The following ARHGAP28 variants were observed in gnomAD, a reference collection of about 807,000 sequenced individuals.
ARHGAP28 encodes the protein rho GTPase-activating protein 28.
Under a neutral mutation model 90.7 loss-of-function variants are expected in ARHGAP28, and 56 were observed. The ratio of observed to expected loss-of-function variants is 0.62; its 90% confidence interval spans 0.50 to 0.77. The LOEUF (loss-of-function observed/expected upper bound fraction) is 0.77, where lower values mean the gene tolerates loss of function less well. Among genes scored for constraint, ARHGAP28 ranks in the 30% least tolerant of loss-of-function variants. The pLI is 0.00. For synonymous variants in ARHGAP28, 308 were observed against 323.3 expected, an observed-to-expected ratio of 0.95 and a Z score of 0.51; for missense variants, 869 against 900.9, an observed-to-expected ratio of 0.96 and a Z score of 0.45.
intron 4 of ARHGAP28, among the ~76,000 whole-genome samples, chr18:6,855,789 TC>T (rs2056948271): frequency 6.6e-6 from 1 of 152,142 alleles, no homozygotes; most frequent in South Asian, 2.1e-4. Flanking sequence ...ACCACCGCAT[TC>T]CCTGGTGCCC....
chr18:6,835,598 A>G (rs2143846286), intron 2 of ARHGAP28, among the ~76,000 whole-genome samples: 1 of 152,334 alleles, frequency 6.6e-6, no homozygotes, highest in African/African-American at 2.4e-5. Flanking sequence ...AAATTAGTCT[A>G]ATCTGCTCTT....
intron 1 of ARHGAP28, among the ~76,000 whole-genome samples, chr18:6,733,250 A>C (rs2055898033): frequency 6.6e-6 from 1 of 152,146 alleles, no homozygotes; most frequent in Non-Finnish European, 1.5e-5. Flanking sequence ...AGTATTCAGA[A>C]TGTATAAATT....
intron 6 of ARHGAP28, among the ~76,000 whole-genome samples, chr18:6,869,895 T>G (rs184921808): frequency 6.6e-6 from 1 of 152,310 alleles, no homozygotes; most frequent in African/African-American, 2.4e-5. Flanking sequence ...CTCAAATGAT[T>G]TATGGATTCA....
At chr18:6,857,671 G>A (rs527832098) in intron 4 of ARHGAP28, among the ~76,000 whole-genome samples, 15 of 152,182 alleles carry the variant, frequency 9.9e-5, no homozygotes, top group Non-Finnish European at 2.1e-4. Flanking sequence ...TTTACAGCAG[G>A]AGGATGATAG....
chr18:6,734,193 T>C (rs2055906839), intron 1 of ARHGAP28, among the ~76,000 whole-genome samples: 2 of 152,210 alleles, frequency 1.3e-5, no homozygotes, highest in Non-Finnish European at 2.9e-5. Flanking sequence ...AGGCTAAGCT[T>C]CTATTCAGAA....
At chr18:6,822,893 T>G (rs1421728625) in intron 1 of ARHGAP28, among the ~76,000 whole-genome samples, 2 of 152,218 alleles carry the variant, frequency 1.3e-5, no homozygotes, top group Non-Finnish European at 2.9e-5. Context: ...TTTGCCTCTA[T>G]GTACTCTCAT....
intron 1 of ARHGAP28, among the ~76,000 whole-genome samples, chr18:6,807,157 T>G (rs2056524846): frequency 6.6e-6 from 1 of 152,220 alleles, no homozygotes; most frequent in Non-Finnish European, 1.5e-5. Context: ...TTCATCATTC[T>G]GTTAGGGTGT....
chr18:6,741,366 A>G (rs2143180379), intron 1 of ARHGAP28, among the ~76,000 whole-genome samples: 1 of 152,264 alleles, frequency 6.6e-6, no homozygotes, highest in Middle Eastern at 3.4e-3. Context: ...TAAAATCTGA[A>G]TTGTGCTGAG....
At chr18:6,868,037 T>C in intron 5 of ARHGAP28, 113 bp from the exon 6 acceptor site, 2 of 844,060 alleles carry the variant, frequency 2.4e-6, no homozygotes, top group South Asian at 1.9e-5. Flanking sequence ...CAAGAATGGC[T>C]TTTTTTATGT....
chr18:6,771,674 A>G (rs989578175), intron 1 of ARHGAP28, among the ~76,000 whole-genome samples: 4 of 152,242 alleles, frequency 2.6e-5, no homozygotes, highest in African/African-American at 9.6e-5. Context: ...AACTGGATTC[A>G]AGCAATAATG....
At position 6,894,688 on chromosome 18, in the gene ARHGAP28, G is replaced by A. The variant is rs115369559; in HGVS notation, c.1849-147G>A. ...TTTATAGGATAAATGCATAGATGTG[G>A]AGCTGTTGGATTAAAGTGCATATAC... On this transcript the variant is annotated intron_variant, in intron 14 of 17. Transcript: ENST00000383472. The A allele has an allele frequency of 1.2e-3, 751 of 635,884 alleles. 6 individuals carry two copies. The African/African-American group carries it at 0.012, about 10-fold the overall frequency. The allele number at this position is 635,884 out of a possible 1,614,324, so 39.4% of individuals were successfully genotyped here. A position where few individuals can be genotyped will look rare whatever the true frequency, so the allele number is the denominator to read the frequency against.
intron 15 of ARHGAP28, 112 bp downstream of exon 15, chr18:6,895,003 A>G: frequency 9.4e-7 from 1 of 1,064,138 alleles, no homozygotes; most frequent in Non-Finnish European, 1.4e-6. Context: ...CAAACTTGAC[A>G]TTTTCAATGT....
chr18:6,903,998 TTAAAAC>T (rs2057351824), intron 16 of ARHGAP28, among the ~76,000 whole-genome samples: 1 of 151,974 alleles, frequency 6.6e-6, no homozygotes, highest in Non-Finnish European at 1.5e-5. Flanking sequence ...TCTAAACACT[TTAAAAC>T]TAAACCAGAT....
At chr18:6,898,485 G>A in intron 16 of ARHGAP28, 1 of 1,614,006 alleles carries the variant, frequency 6.2e-7, no homozygotes, top group Non-Finnish European at 8.5e-7. Context: ...TGGAAAATGG[G>A]TTAAAAAAGA....
chr18:6,832,924 T>A (rs1229324155), intron 2 of ARHGAP28, among the ~76,000 whole-genome samples: 1 of 152,096 alleles, frequency 6.6e-6, no homozygotes, highest in Non-Finnish European at 1.5e-5. Flanking sequence ...AGATAAATAC[T>A]ATGCTTCATT....
intron 10 of ARHGAP28, among the ~76,000 whole-genome samples, chr18:6,878,244 G>A (rs1015495343): frequency 1.3e-5 from 2 of 149,148 alleles, no homozygotes; most frequent in Non-Finnish European, 3.0e-5. Context: ...CTATCGCAAG[G>A]ACAAAAAACC....
intron 1 of ARHGAP28, among the ~76,000 whole-genome samples, chr18:6,796,391 C>T (rs1336820114): frequency 6.6e-6 from 1 of 152,054 alleles, no homozygotes; most frequent in African/African-American, 2.4e-5. Context: ...TGCTATACTC[C>T]CTGTCTTTCC....
intron 1 of ARHGAP28, among the ~76,000 whole-genome samples, chr18:6,811,392 A>G (rs1250637882): frequency 6.6e-6 from 1 of 152,192 alleles, no homozygotes; most frequent in African/African-American, 2.4e-5. Context: ...GAATTTGCCG[A>G]TTGTCATGCA....
At chr18:6,864,841 T>C (rs2057026292) in intron 5 of ARHGAP28, among the ~76,000 whole-genome samples, 1 of 146,476 alleles carries the variant, frequency 6.8e-6, no homozygotes, top group African/African-American at 2.5e-5. Flanking sequence ...TGCACCACCA[T>C]GCCCAGCTAA....
Sources: gnomAD v4.1 joint callset for allele counts (sites outside exome capture counted in the v4.1 genomes callset) on GRCh38, gnomAD v4.1.1 for gene constraint, MANE v1.5 for transcripts, NCBI Gene and HGNC (gene_info 2026-07-23, HGNC 2026-07-21) for gene names.